The following TICAM1 variants were observed in gnomAD, a reference collection of about 807,000 sequenced individuals.
The protein encoded by TICAM1 is TIR domain containing adaptor molecule 1.
For missense variants in TICAM1, 895 were observed against 938.2 expected (o/e 0.95, Z 0.60); for synonymous variants, 439 against 415.4 (o/e 1.06, Z -0.69).
In TICAM1 at chr19:4,816,982, G is replaced by A; in HGVS notation, c.1396C>T (p.Leu466=). 2.5e-6 allele frequency: 4 copies of A among 1,614,134 alleles called. No homozygotes were observed. The highest frequency in any genetic ancestry group is 3.4e-6 in the Non-Finnish European group (4 of 1,180,030). ...ATCATGGCTTGGTTCACCTGGTGCA[G>A]GCTCAGGCGACAGTCGAAGTTGGAG... ...LTSNFDCRLS[L]HQVNQAMMSN... Residue 466 remains leucine, a synonymous_variant, in exon 2 of 2, where the codon CTG becomes TTG. Coordinates refer to ENST00000248244, the MANE Select transcript of TICAM1 (RefSeq NM_182919.4). This position sits in a 1 kb window ranked among gnomAD's most constrained non-coding sequence, Gnocchi z 4.3.
rs148396522 is a variant in TICAM1, at chr19:4,816,405, G to A, written c.1973C>T (p.Pro658Leu). Residue 658 changes from proline to leucine, a missense_variant, in exon 2 of 2, where the codon CCG becomes CTG. By Grantham distance (98) the Pro-to-Leu change is moderately conservative. Transcript: ENST00000248244. This position sits in a 1 kb window ranked among gnomAD's most constrained non-coding sequence, Gnocchi z 4.3. Reference sequence around the variant, plus strand: ...GGCCGTAGGGAAGGCTGGGGACTGCGGGAAGGGCAGTGACTGTGGAAAGGC... The same window carrying A: ...GGCCGTAGGGAAGGCTGGGGACTGCAGGAAGGGCAGTGACTGTGGAAAGGC... ...PAAFPQSLPF[P>L]QSPAFPTASP... 3.3e-5 allele frequency: 52 copies of A among 1,570,466 alleles called. No individual in the cohort carries two copies. Among genetic ancestry groups the A allele is most frequent in the Admixed American group, 3.1e-4 (16 of 52,442 alleles).
chr19:4,831,288 G>A (rs963061118), intron 1 of TICAM1, among the ~76,000 whole-genome samples: 7 of 151,086 alleles, frequency 4.6e-5, no homozygotes, highest in African/African-American at 1.7e-4. Flanking sequence ...GTTTCAGGTA[G>A]GAATCCTGGG....
Position 4,818,035 on chromosome 19 carries a change from C to G in TICAM1, c.343G>C (p.Asp115His), listed in dbSNP as rs200773818. 1.2e-6 allele frequency: 2 copies of G among 1,609,822 alleles called. No homozygotes were observed. The highest frequency in any genetic ancestry group is 1.7e-6 in the Non-Finnish European group (2 of 1,179,928). Residue 115 changes from aspartate (D) to histidine (H), a missense_variant, in exon 2 of 2, where the codon GAC becomes CAC. Asp to His is a moderately conservative substitution (Grantham distance 81, BLOSUM62 -1). Coordinates refer to ENST00000248244, the MANE Select transcript of TICAM1 (RefSeq NM_182919.4). The surrounding 1 kb of genome is among the most constrained non-coding windows in gnomAD (Gnocchi z 4.0). ...CGGACGGCTTCCTGGTAGGCCACGTCCCGCAGCGAGGCGGGGCACAGCTTC... is the reference window on the plus strand; with the variant it reads ...CGGACGGCTTCCTGGTAGGCCACGTGCCGCAGCGAGGCGGGGCACAGCTTC... ...EEKLCPASLRDVAYQEAVRTL... is the reference protein window; with the variant it reads ...EEKLCPASLRHVAYQEAVRTL...
chr19:4,830,122 C>CT (rs1437989872), intron 1 of TICAM1, among the ~76,000 whole-genome samples: 1 of 149,172 alleles, frequency 6.7e-6, no homozygotes, highest in Non-Finnish European at 1.5e-5. Flanking sequence ...GGGTCTCACT[C>CT]TGTCACCCAG....
intron 1 of TICAM1, among the ~76,000 whole-genome samples, chr19:4,823,464 TAA>T (rs796260133): frequency 7.6e-4 from 71 of 93,730 alleles, no homozygotes; most frequent in African/African-American, 1.1e-3. Flanking sequence ...GACTCTGTCT[TAA>T]AAAAAAAAAA....
In TICAM1 at chr19:4,818,869, G is replaced by T. The variant is rs751665604; in HGVS notation, c.-139-353C>A. On this transcript the variant is annotated intron_variant, in intron 1 of 1. Coordinates refer to ENST00000248244, the MANE Select transcript of TICAM1 (RefSeq NM_182919.4). This position sits in a 1 kb window ranked among gnomAD's most constrained non-coding sequence, Gnocchi z 4.0. ...TTAAGCCTGTAATCCCAGCAGTTGTGGAGGCCGAGGCGGGGGGATCACCTG... is the reference window on the plus strand; with the variant it reads ...TTAAGCCTGTAATCCCAGCAGTTGTTGAGGCCGAGGCGGGGGGATCACCTG... 6.6e-6 allele frequency among the ~76,000 whole-genome samples: 1 copy of T among 152,146 alleles called. No individual in the cohort carries two copies. The highest frequency in any genetic ancestry group is 1.5e-5 in the Non-Finnish European group (1 of 68,040).
chr19:4,820,418 TAA>T (rs754775495), intron 1 of TICAM1, among the ~76,000 whole-genome samples: 42 of 108,616 alleles, frequency 3.9e-4, no homozygotes, highest in Middle Eastern at 4.7e-3. Flanking sequence ...AGACTCCATC[TAA>T]AAAAAAAAAA....
chr19:4,819,263 G>C (rs2093593240), intron 1 of TICAM1, among the ~76,000 whole-genome samples: 1 of 124,664 alleles, frequency 8.0e-6, no homozygotes, highest in Non-Finnish European at 1.6e-5. Flanking sequence ...AACAGAGTGA[G>C]ACCCAGTCTC....
At position 4,816,757 on chromosome 19, in the gene TICAM1, T is replaced by A; in HGVS notation, c.1621A>T (p.Arg541Trp). 1 of 1,613,704 alleles carries A rather than the reference T, an allele frequency of 6.2e-7. No individual in the cohort carries two copies. Among genetic ancestry groups the A allele is most frequent in the Non-Finnish European group, 8.5e-7 (1 of 1,180,008 alleles). ...AGGGCTCGGGTGTCCTGTTCCTTCC[T>A]CCACATGGCCTTTCGGGCCTGAAGC... ...HRLQARKAMW[R>W]KEQDTRALRE... The change falls in exon 2 of 2, where the codon AGG becomes TGG. Residue 541 changes from arginine (R) to tryptophan (W), a missense_variant. Arg to Trp is a moderately radical substitution (Grantham distance 101). Transcript: ENST00000248244. This position sits in a 1 kb window ranked among gnomAD's most constrained non-coding sequence, Gnocchi z 4.3.
At chr19:4,821,658 T>TC (rs1372145467) in intron 1 of TICAM1, among the ~76,000 whole-genome samples, 3 of 151,880 alleles carry the variant, frequency 2.0e-5, no homozygotes, top group African/African-American at 7.3e-5. Flanking sequence ...TTTTTTTTTT[T>TC]TTTGAGACAG....
At position 4,816,705 on chromosome 19, in the gene TICAM1, C is replaced by T; in HGVS notation, c.1673G>A (p.Gly558Asp). 1 of 1,614,126 alleles carries T rather than the reference C, an allele frequency of 6.2e-7. No homozygotes were observed. The highest frequency in any genetic ancestry group is 8.5e-7 in the Non-Finnish European group (1 of 1,180,042). The change falls in exon 2 of 2, where the codon GGT becomes GAT. Residue 558 changes from glycine (G) to aspartate (D), a missense_variant. By Grantham distance (94) the Gly-to-Asp change is moderately conservative (BLOSUM62 -1). Coordinates refer to ENST00000248244, the MANE Select transcript of TICAM1 (RefSeq NM_182919.4). This position sits in a 1 kb window ranked among gnomAD's most constrained non-coding sequence, Gnocchi z 4.3. ...ALREQSQHLD[G>D]ERMQAAALNA... is the part of the protein sequence containing the mutation. ...CAGTGCCGCCGCCTGCATCCGCTCA[C>T]CGTCCAGGTGTTGGCTCTGTTCCCG...
Position 4,818,349 on chromosome 19 carries a change from C to T in TICAM1, c.29G>A (p.Ser10Asn). The T allele has an allele frequency of 6.2e-7, 1 of 1,609,352 alleles. No individual in the cohort carries two copies. Among genetic ancestry groups the T allele is most frequent in the Non-Finnish European group, 8.5e-7 (1 of 1,178,140 alleles). Reference protein sequence around the residue: MACTGPSLPSAFDILGAAGQ... With the variant: MACTGPSLPNAFDILGAAGQ... The stretch of plus-strand genomic sequence containing the variant: ...TGCTGCACCTAGAATGTCGAAGGCG[C>T]TAGGAAGTGATGGGCCTGTGCAGGC... Residue 10 changes from serine to asparagine, a missense_variant, in exon 2 of 2, where the codon AGC becomes AAC. Coordinates refer to ENST00000248244, the MANE Select transcript of TICAM1 (RefSeq NM_182919.4). This position sits in a 1 kb window ranked among gnomAD's most constrained non-coding sequence, Gnocchi z 4.0.
At chr19:4,830,616 T>C (rs6510827) in intron 1 of TICAM1, among the ~76,000 whole-genome samples, 100,371 of 152,082 alleles carry the variant, frequency 0.66, 33,663 homozygotes, top group African/African-American at 0.77. Context: ...CAGGCACATC[T>C]ACCCTCACAG....
At position 4,816,906 on chromosome 19, in the gene TICAM1, G is replaced by A; in HGVS notation, c.1472C>T (p.Pro491Leu). ...GSPDCVIPFL[P>L]LESSPAQLSS... The stretch of plus-strand genomic sequence containing the variant: ...GAGCTGGGCCGGGGAGCTCTCCAGG[G>A]GCAGGAAGGGGATGACACAGTCTGG... Residue 491 changes from proline (P) to leucine (L), a missense_variant, in exon 2 of 2, where the codon CCC (proline) becomes CTC (leucine). Coordinates refer to ENST00000248244, the MANE Select transcript of TICAM1 (RefSeq NM_182919.4). The surrounding 1 kb of genome is among the most constrained non-coding windows in gnomAD (Gnocchi z 4.3). 1.2e-6 allele frequency: 2 copies of A among 1,613,492 alleles called. No individual in the cohort carries two copies. Among genetic ancestry groups the A allele is most frequent in the Non-Finnish European group, 1.7e-6 (2 of 1,180,014 alleles).
intron 1 of TICAM1, among the ~76,000 whole-genome samples, chr19:4,820,835 G>C (rs1289293876): frequency 1.3e-5 from 2 of 152,038 alleles, no homozygotes; most frequent in Non-Finnish European, 1.5e-5. Context: ...AGTGAGCCGA[G>C]ATCGTGCCAC....
rs770208930 is a variant in TICAM1 at position 4,816,197 on chromosome 19, G to A, written c.*42C>T. 2 of 1,467,046 alleles carry A rather than the reference G, an allele frequency of 1.4e-6. No homozygotes were observed. The highest frequency in any genetic ancestry group is 4.9e-5 in the Admixed American group (2 of 40,470). The allele number at this position is 1,467,046 out of a possible 1,614,324, so 90.9% of individuals were successfully genotyped here. On this transcript the variant is annotated 3_prime_UTR_variant, in exon 2 of 2. Coordinates refer to ENST00000248244, the MANE Select transcript of TICAM1 (RefSeq NM_182919.4). The surrounding 1 kb of genome is among the most constrained non-coding windows in gnomAD (Gnocchi z 4.3). The stretch of plus-strand genomic sequence containing the variant: ...TCTATGGGGTCCTGGCCGATGCCTG[G>A]GTCCAGGGGTGTTCCCCAGGTGGTC...
In TICAM1 at chr19:4,818,342, G is replaced by C; in HGVS notation, c.36C>G (p.Phe12Leu). 1.2e-6 allele frequency: 2 copies of C among 1,610,756 alleles called. No homozygotes were observed. The highest frequency in any genetic ancestry group is 4.5e-5 in the East Asian group (2 of 44,878). The change falls in exon 2 of 2, where the codon TTC (phenylalanine) becomes TTG (leucine). Residue 12 changes from phenylalanine to leucine, a missense_variant. By Grantham distance (22) the Phe-to-Leu change is conservative. Transcript: ENST00000248244. The surrounding 1 kb of genome is among the most constrained non-coding windows in gnomAD (Gnocchi z 4.0). ...CCTGGCCTGCTGCACCTAGAATGTC[G>C]AAGGCGCTAGGAAGTGATGGGCCTG... ...ACTGPSLPSA[F>L]DILGAAGQDK...
In TICAM1 at chr19:4,817,838, G is replaced by A. The variant is rs1384791331; in HGVS notation, c.540C>T (p.Arg180=). Residue 180 remains arginine (R), a synonymous_variant, in exon 2 of 2, where the codon CGC becomes CGT. Transcript: ENST00000248244. The surrounding 1 kb of genome is among the most constrained non-coding windows in gnomAD (Gnocchi z 4.7). ...ALPSGTRSLP[R]PIDGVSDWSQ... ...TCCAGTCCGAAACACCGTCAATGGG[G>A]CGTGGGAGGCTCCTGGTCCCAGAGG... The A allele has an allele frequency of 6.2e-7, 1 of 1,610,548 alleles. No homozygotes were observed. The highest frequency in any genetic ancestry group is 8.5e-7 in the Non-Finnish European group (1 of 1,178,934).
intron 1 of TICAM1, among the ~76,000 whole-genome samples, chr19:4,820,536 A>G (rs1043064632): frequency 2.7e-5 from 4 of 150,030 alleles, no homozygotes; most frequent in Admixed American, 6.7e-5. Flanking sequence ...GCTGCAGGGA[A>G]GGATACATAC....
Sources: allele counts gnomAD v4.1 joint callset (sites outside exome capture counted in the v4.1 genomes callset), GRCh38; gene constraint gnomAD v4.1.1; non-coding constraint Gnocchi (gnomAD v3.1); transcripts MANE v1.5; gene names NCBI Gene and HGNC (gene_info 2026-07-23, HGNC 2026-07-21).